Variants in ZEB1 observed in about 807,000 individuals in gnomAD.
ZEB1 encodes the protein zinc finger E-box-binding homeobox 1.
Under a neutral mutation model 84.9 loss-of-function variants are expected in ZEB1, and 21 were observed. The observed-to-expected ratio is 0.25, with a 90% confidence interval of 0.18 to 0.36. The LOEUF (loss-of-function observed/expected upper bound fraction) is 0.36, where lower values mean the gene tolerates loss of function less well. Among genes scored for constraint, ZEB1 ranks in the 10% least tolerant of loss-of-function variants. The probability of loss-of-function intolerance (pLI) is 1.00; values close to 1 mark genes in which losing one functional copy is unlikely to be tolerated. For synonymous variants in ZEB1, 420 were observed against 471.1 expected (o/e 0.89, Z 1.41); for missense variants, 1,104 against 1,330.2 (o/e 0.83, Z 2.65).
intron 1 of ZEB1, among the ~76,000 whole-genome samples, chr10:31,406,922 T>C (rs2053183659): frequency 6.6e-6 from 1 of 152,170 alleles, no homozygotes; most frequent in Non-Finnish European, 1.5e-5. Flanking sequence ...GCTAGCCAGT[T>C]TTCCCAACAC....
rs1006411389 is a variant in ZEB1, at chr10:31,520,906, G to A, written c.1574G>A (p.Gly525Glu). The A allele has an allele frequency of 3.1e-6, 5 of 1,614,122 alleles. No individual in the cohort carries two copies. The highest frequency in any genetic ancestry group is 1.6e-4 in the Middle Eastern group (1 of 6,062). Residue 525 changes from glycine (G) to glutamate (E), a missense_variant, in exon 7 of 9, where the codon GGG becomes GAG. By Grantham distance (98) the Gly-to-Glu change is moderately conservative. Around this residue, in one of 7 missense-constraint regions of ZEB1, gnomAD observed 531 missense variants for 575.2 expected, o/e 0.92. Coordinates refer to ENST00000424869, the MANE Select transcript of ZEB1 (RefSeq NM_001174096.2). This position sits in a 1 kb window ranked among gnomAD's most constrained non-coding sequence, Gnocchi z 5.1. Reference protein sequence around the residue: ...VKSEKDKSFEGGVNDSTCLLC... With the variant: ...VKSEKDKSFEEGVNDSTCLLC... ...TCTGAGAAGGACAAAAGCTTTGAAGGGGGGGTGAATGATAGCACTTGTCTT... is the reference window on the plus strand; with the variant it reads ...TCTGAGAAGGACAAAAGCTTTGAAGAGGGGGTGAATGATAGCACTTGTCTT...
At chr10:31,447,971 T>C (rs1433373986) in intron 1 of ZEB1, among the ~76,000 whole-genome samples, 1 of 151,732 alleles carries the variant, frequency 6.6e-6, no homozygotes, top group African/African-American at 2.4e-5. Flanking sequence ...CCTTGCTAGA[T>C]TGGGGAAGTT....
In ZEB1 at chr10:31,387,734, A is replaced by G. The variant is rs943467615; in HGVS notation, c.58+68442A>G. ...CTTTACTTCAGGGAAAGCCCCTCAA[A>G]CCATTTTGTATTCTGTATTACACTT... On this transcript the variant is annotated intron_variant, in intron 1 of 8. Coordinates refer to ENST00000424869, the MANE Select transcript of ZEB1 (RefSeq NM_001174096.2). The G allele has an allele frequency of 5.1e-6, 5 of 984,882 alleles. No individual in the cohort carries two copies. The South Asian group carries it at 1.9e-4, about 37-fold the overall frequency. The allele number at this position is 984,882 out of a possible 1,614,324, so 61.0% of individuals were successfully genotyped here. A position where few individuals can be genotyped will look rare whatever the true frequency, so the allele number is the denominator to read the frequency against.
chr10:31,526,639 A>G lies in ZEB1; in HGVS notation c.2786-33A>G, dbSNP rs778114160. ...ATAAGGATTTTATTTGCTGAATACCACCATTTTATTTAACAGAATTCTTAT... is the reference window on the plus strand; with the variant it reads ...ATAAGGATTTTATTTGCTGAATACCGCCATTTTATTTAACAGAATTCTTAT... On this transcript the variant is annotated intron_variant, in intron 8 of 8. Coordinates refer to ENST00000424869, the MANE Select transcript of ZEB1 (RefSeq NM_001174096.2). 7 of 1,610,052 alleles carry G rather than the reference A, an allele frequency of 4.3e-6. No homozygotes were observed. The African/African-American group carries it at 5.3e-5, about 12-fold the overall frequency.
intron 1 of ZEB1, among the ~76,000 whole-genome samples, chr10:31,423,844 A>G (rs2056557858): frequency 6.6e-6 from 1 of 150,530 alleles, no homozygotes; most frequent in Non-Finnish European, 1.5e-5. Flanking sequence ...TAAAAGAGAA[A>G]TTTTAGGAGT....
chr10:31,427,625 G>T (rs936050933), intron 1 of ZEB1, among the ~76,000 whole-genome samples: 3 of 152,110 alleles, frequency 2.0e-5, no homozygotes, highest in African/African-American at 7.2e-5. Flanking sequence ...AGGCCAAGGC[G>T]GGTGGATCAC....
rs146096875 is a variant in ZEB1 at position 31,393,135 on chromosome 10, A to T, written c.59-67902A>T. Among the ~76,000 whole-genome samples, 1,186 of 152,338 alleles carry T rather than the reference A, an allele frequency of 7.8e-3. 9 individuals carry two copies. The highest frequency in any genetic ancestry group is 0.026 in the African/African-American group (1,101 of 41,586). Reference sequence around the variant, plus strand: ...CTATCAGGCATGAGCCACCATGCCCAGCTGTACTATTTATATTTTTTATTT... The same window carrying T: ...CTATCAGGCATGAGCCACCATGCCCTGCTGTACTATTTATATTTTTTATTT... On this transcript the variant is annotated intron_variant, in intron 1 of 8. Coordinates refer to ENST00000424869, the MANE Select transcript of ZEB1 (RefSeq NM_001174096.2).
chr10:31,407,024 G>A lies in ZEB1; in HGVS notation c.59-54013G>A, dbSNP rs776375263. Among the ~76,000 whole-genome samples, 10 of 151,890 alleles carry A rather than the reference G, an allele frequency of 6.6e-5. No homozygotes were observed. The South Asian group carries it at 8.4e-4, about 13-fold the overall frequency. On this transcript the variant is annotated intron_variant, in intron 1 of 8. Transcript: ENST00000424869. The stretch of plus-strand genomic sequence containing the variant: ...GTTGTAGATGTGTGGTGTTATTTCT[G>A]AGGCCTCTGTTCTGTTCCATTAGTC...
chr10:31,359,861 G>A lies in ZEB1; in HGVS notation c.58+40569G>A, dbSNP rs550537106. ...TTATAAAATATAGTGACTGTGGATT[G>A]TTGATGAAAATTTCTTAAGACAGTG... On this transcript the variant is annotated intron_variant, in intron 1 of 8. Transcript: ENST00000424869. Among the ~76,000 whole-genome samples the A allele has an allele frequency of 2.6e-5, 4 of 152,308 alleles. No homozygotes were observed. The East Asian group carries it at 7.7e-4, about 29-fold the overall frequency.
In ZEB1 at chr10:31,510,902, A is replaced by G. The variant is rs145197670; in HGVS notation, c.687+27A>G. Reference sequence around the variant, plus strand: ...TAAGTGCAATGACTGAGAGTTCACTAACTTTCCAGATTTTGACAACTCAGC... The same window carrying G: ...TAAGTGCAATGACTGAGAGTTCACTGACTTTCCAGATTTTGACAACTCAGC... On this transcript the variant is annotated intron_variant, in intron 5 of 8. Transcript: ENST00000424869. 3,115 of 1,608,448 alleles carry G rather than the reference A, an allele frequency of 1.9e-3. 59 individuals are homozygous for G. The African/African-American group carries it at 0.038, about 19-fold the overall frequency.
chr10:31,335,133 A>G (rs1398334818), intron 1 of ZEB1, among the ~76,000 whole-genome samples: 1 of 152,122 alleles, frequency 6.6e-6, no homozygotes, highest in Admixed American at 6.6e-5. Context: ...GTAGGTGGTT[A>G]CCTATGCTCA....
chr10:31,363,044 G>A, intron 1 of ZEB1: 2 of 1,533,890 alleles, frequency 1.3e-6, no homozygotes, highest in Non-Finnish European at 1.7e-6. Context: ...GGAGGGGTCG[G>A]TTGCAGCTGC....
At chr10:31,452,759 G>GAGACAT (rs1554878944) in intron 1 of ZEB1, among the ~76,000 whole-genome samples, 1 of 149,806 alleles carries the variant, frequency 6.7e-6, no homozygotes, top group African/African-American at 2.5e-5. Context: ...GAGAGAGAGA[G>GAGACAT]AGAGAGAGAG....
At chr10:31,348,098 C>T (rs922205461) in intron 1 of ZEB1, among the ~76,000 whole-genome samples, 1 of 152,138 alleles carries the variant, frequency 6.6e-6, no homozygotes, top group Non-Finnish European at 1.5e-5. Flanking sequence ...TTCTACTGGC[C>T]TTAATTCTCA....
intron 1 of ZEB1, among the ~76,000 whole-genome samples, chr10:31,437,159 T>C (rs1267382961): frequency 6.6e-6 from 1 of 152,200 alleles, no homozygotes; most frequent in East Asian, 1.9e-4. Flanking sequence ...AAAGAGAGAT[T>C]AATATAATTA....
At chr10:31,428,497 A>G (rs1223582060) in intron 1 of ZEB1, among the ~76,000 whole-genome samples, 1 of 152,180 alleles carries the variant, frequency 6.6e-6, no homozygotes, top group African/African-American at 2.4e-5. Context: ...AGTTTTAGAG[A>G]GAAAGTGCCA....
chr10:31,334,283 A>T (rs572137928), intron 1 of ZEB1, among the ~76,000 whole-genome samples: 1 of 152,236 alleles, frequency 6.6e-6, no homozygotes, highest in South Asian at 2.1e-4. Flanking sequence ...GCTTTAACAA[A>T]TTTCAGTGGA....
intron 1 of ZEB1, among the ~76,000 whole-genome samples, chr10:31,330,885 A>G (rs2036593290): frequency 6.6e-6 from 1 of 151,672 alleles, no homozygotes; most frequent in South Asian, 2.1e-4. Context: ...AAAATTCGTT[A>G]TAAGTAACCT....
At chr10:31,489,546 C>T (rs1434517994) in intron 2 of ZEB1, among the ~76,000 whole-genome samples, 1 of 151,176 alleles carries the variant, frequency 6.6e-6, no homozygotes, top group Non-Finnish European at 1.5e-5. Flanking sequence ...TATTTTCACT[C>T]TTCTGGTCCT....
Sources: allele counts gnomAD v4.1 joint callset (sites outside exome capture counted in the v4.1 genomes callset), GRCh38; gene constraint gnomAD v4.1.1; regional missense constraint gnomAD v4.1.1; non-coding constraint Gnocchi (gnomAD v3.1); transcripts MANE v1.5; gene names NCBI Gene and HGNC (gene_info 2026-07-23, HGNC 2026-07-21).